The following CNTN3 variants were observed in gnomAD, a reference collection of about 807,000 sequenced individuals.
CNTN3 encodes contactin 3, also known as contactin-3.
Under a neutral mutation model 119.1 loss-of-function variants are expected in CNTN3, and 60 were observed. That is an observed-to-expected ratio of 0.50 (90% confidence interval 0.41 to 0.62). CNTN3 has a LOEUF of 0.62. CNTN3 is among the 20% of genes least tolerant of loss of function. The pLI is 0.00. For missense variants in CNTN3, 1,101 were observed against 1,242.4 expected (o/e 0.89, Z 1.71); for synonymous variants, 450 against 438.7 (o/e 1.03, Z -0.32).
At chr3:74,268,176 G>A (rs947705167) in intron 20 of CNTN3, among the ~76,000 whole-genome samples, 5 of 152,132 alleles carry the variant, frequency 3.3e-5, no homozygotes, top group South Asian at 2.1e-4. Context: ...GTTCCTTTTC[G>A]TGAACGCTGG....
At chr3:74,477,564 A>G (rs1360406297) in intron 4 of CNTN3, among the ~76,000 whole-genome samples, 1 of 152,146 alleles carries the variant, frequency 6.6e-6, no homozygotes, top group Non-Finnish European at 1.5e-5. Flanking sequence ...AAGGATGGTT[A>G]CTAGAGGCTG....
intron 13 of CNTN3, among the ~76,000 whole-genome samples, chr3:74,310,726 A>C (rs531451458): frequency 6.6e-6 from 1 of 152,280 alleles, no homozygotes; most frequent in Admixed American, 6.5e-5. Flanking sequence ...AAGTATACTA[A>C]ATTTCAGGAG....
chr3:74,363,084 T>C (rs1384316774), intron 10 of CNTN3, among the ~76,000 whole-genome samples: 2 of 152,200 alleles, frequency 1.3e-5, no homozygotes, highest in Non-Finnish European at 2.9e-5. Flanking sequence ...GGATAAACTA[T>C]GGCTCATCAG....
intron 1 of CNTN3, among the ~76,000 whole-genome samples, chr3:74,556,813 C>G (rs971946065): frequency 1.9e-4 from 29 of 152,096 alleles, no homozygotes; most frequent in African/African-American, 7.0e-4. Flanking sequence ...TATATTTGTC[C>G]TTTTTAAAGT....
intron 2 of CNTN3, among the ~76,000 whole-genome samples, chr3:74,513,251 T>G (rs1703399563): frequency 6.6e-6 from 1 of 152,080 alleles, no homozygotes; most frequent in African/African-American, 2.4e-5. Flanking sequence ...GACTAAAACT[T>G]TAATCGTACC....
At chr3:74,267,538 T>C in intron 20 of CNTN3, 160 bp from the exon 21 acceptor site, 1 of 526,054 alleles carries the variant, frequency 1.9e-6, no homozygotes, top group South Asian at 3.1e-5. Flanking sequence ...TAACAGAGTA[T>C]ATAAATTTCC....
At chr3:74,444,097 T>A (rs765114219) in intron 4 of CNTN3, among the ~76,000 whole-genome samples, 9 of 152,146 alleles carry the variant, frequency 5.9e-5, no homozygotes, top group Non-Finnish European at 1.2e-4. Flanking sequence ...CATTGTCACG[T>A]AGCATTCTCC....
chr3:74,613,433 G>A (rs1439135800), intron 1 of CNTN3, among the ~76,000 whole-genome samples: 1 of 152,022 alleles, frequency 6.6e-6, no homozygotes, highest in Non-Finnish European at 1.5e-5. Flanking sequence ...TTGGGTTGAG[G>A]TTAGCAGACT....
intron 1 of CNTN3, among the ~76,000 whole-genome samples, chr3:74,582,773 G>T (rs1465278951): frequency 1.5e-5 from 2 of 137,640 alleles, no homozygotes; most frequent in Non-Finnish European, 3.1e-5. Flanking sequence ...TCAAGTGCAT[G>T]TGTATGCATT....
chr3:74,344,916 C>T (rs1265008043), intron 11 of CNTN3, among the ~76,000 whole-genome samples: 1 of 151,864 alleles, frequency 6.6e-6, no homozygotes, highest in African/African-American at 2.4e-5. Context: ...TTTCATACAA[C>T]TGAGGAGGGG....
chr3:74,545,985 A>C (rs1478752966), intron 1 of CNTN3, among the ~76,000 whole-genome samples: 6 of 151,786 alleles, frequency 4.0e-5, no homozygotes, highest in African/African-American at 1.4e-4. Context: ...CATTTCTTGA[A>C]CTTTTTCCTT....
intron 5 of CNTN3, among the ~76,000 whole-genome samples, chr3:74,387,014 C>G (rs1575678022): frequency 1.3e-5 from 2 of 152,130 alleles, no homozygotes; most frequent in African/African-American, 2.4e-5. Context: ...ACAAAAACAA[C>G]TGGAGGAGCT....
chr3:74,580,092 A>C (rs2106666096), intron 1 of CNTN3, among the ~76,000 whole-genome samples: 1 of 152,336 alleles, frequency 6.6e-6, no homozygotes, highest in African/African-American at 2.4e-5. Context: ...GATGACAATA[A>C]GAGCAGACAA....
intron 4 of CNTN3, among the ~76,000 whole-genome samples, chr3:74,441,974 T>C (rs1701974001): frequency 6.6e-6 from 1 of 152,140 alleles, no homozygotes; most frequent in Non-Finnish European, 1.5e-5. Context: ...TCAATTTCAT[T>C]TTTTGCATAA....
At position 74,336,631 on chromosome 3, in the gene CNTN3, G is replaced by C. The variant is rs199868405; in HGVS notation, c.1392C>G (p.Leu464=). 2.5e-6 allele frequency: 4 copies of C among 1,610,186 alleles called. No homozygotes were observed. Among genetic ancestry groups the C allele is most frequent in the Non-Finnish European group, 3.4e-6 (4 of 1,177,460 alleles). The change falls in exon 12 of 23, where the codon CTC becomes CTG. Residue 464 remains leucine (L), a synonymous_variant. Coordinates refer to ENST00000263665, the MANE Select transcript of CNTN3 (RefSeq NM_020872.3). ...CAGCTTTAGTCACATTGGCTATTTTGAGTCCTCCATCGTTTAACAAAGAAA... is the reference window on the plus strand; with the variant it reads ...CAGCTTTAGTCACATTGGCTATTTTCAGTCCTCCATCGTTTAACAAAGAAA... ...ERISLLNDGG[L]KIANVTKADA...
intron 4 of CNTN3, among the ~76,000 whole-genome samples, chr3:74,461,138 T>C (rs1702360089): frequency 6.6e-6 from 1 of 151,944 alleles, no homozygotes; most frequent in African/African-American, 2.4e-5. Context: ...GCTGATATGA[T>C]GTGTTATATT....
At chr3:74,430,791 C>T (rs1487722755) in intron 4 of CNTN3, among the ~76,000 whole-genome samples, 3 of 152,198 alleles carry the variant, frequency 2.0e-5, no homozygotes, top group African/African-American at 7.2e-5. Context: ...TATGTATAAA[C>T]CAGGGAAATA....
At chr3:74,559,081 T>A (rs1308042421) in intron 1 of CNTN3, among the ~76,000 whole-genome samples, 1 of 151,766 alleles carries the variant, frequency 6.6e-6, no homozygotes, top group Non-Finnish European at 1.5e-5. Flanking sequence ...TAGAGCTCAA[T>A]AAAGATTAGC....
chr3:74,301,732 T>G lies in CNTN3; in HGVS notation c.1860A>C (p.Glu620Asp). 6.2e-7 allele frequency: 1 copy of G among 1,614,136 alleles called. No individual in the cohort carries two copies. Among genetic ancestry groups the G allele is most frequent in the Non-Finnish European group, 8.5e-7 (1 of 1,179,978 alleles). The change falls in exon 15 of 23, where the codon GAA (glutamate) becomes GAC (aspartate). Residue 620 changes from glutamate to aspartate, a missense_variant. Transcript: ENST00000263665. Reference sequence around the variant, plus strand: ...TAACTGGGCTATGGTTGTCTTTACCTTCTTTCCAAGAGAGTTGGGCTGTTG... The same window carrying G: ...TAACTGGGCTATGGTTGTCTTTACCGTCTTTCCAAGAGAGTTGGGCTGTTG... ...TDTTAQLSWK[E>D]GKDNHSPVIS...
Sources: allele counts gnomAD v4.1 joint callset (sites outside exome capture counted in the v4.1 genomes callset), GRCh38; gene constraint gnomAD v4.1.1; transcripts MANE v1.5; gene names NCBI Gene and HGNC (gene_info 2026-07-23, HGNC 2026-07-21).